Variants in SCAI observed in about 807,000 individuals in gnomAD.
The protein encoded by SCAI is protein SCAI.
Under a neutral mutation model 92.2 loss-of-function variants are expected in SCAI, and 24 were observed. The observed-to-expected ratio is 0.26, with a 90% CI of 0.19 to 0.37. The LOEUF (loss-of-function observed/expected upper bound fraction) is 0.37. SCAI is among the 10% of genes least tolerant of loss of function. SCAI has a pLI of 1.00. For synonymous variants in SCAI, 261 were observed against 258.6 expected (o/e 1.01, Z -0.09); for missense variants, 450 against 736.2 (o/e 0.61, Z 4.50).
At chr9:125,042,674 A>G (rs1366071197) in intron 3 of SCAI, among the ~76,000 whole-genome samples, 1 of 117,608 alleles carries the variant, frequency 8.5e-6, no homozygotes, top group Non-Finnish European at 1.8e-5. Flanking sequence ...CACATATACA[A>G]AAAGAAACAT....
chr9:125,070,186 T>C (rs1833954308), intron 2 of SCAI, among the ~76,000 whole-genome samples: 1 of 152,092 alleles, frequency 6.6e-6, no homozygotes, highest in Non-Finnish European at 1.5e-5. Context: ...AAGTGTTGAA[T>C]ATGTGTGTAT....
At chr9:125,114,376 T>G (rs1834993950) in intron 2 of SCAI, among the ~76,000 whole-genome samples, 1 of 152,036 alleles carries the variant, frequency 6.6e-6, no homozygotes. Flanking sequence ...TTACAGTTAT[T>G]GAAGAATGAA....
rs1425439989 is a variant in SCAI, at chr9:124,952,760, A to G, written c.*47T>C. 1.9e-6 allele frequency: 3 copies of G among 1,547,972 alleles called. No individual in the cohort carries two copies. Among genetic ancestry groups the G allele is most frequent in the Non-Finnish European group, 2.7e-6 (3 of 1,129,326 alleles). ...ATCACGTTAGAAAACTGCACCATTT[A>G]AAATTTGTGGAAAATGAAAACTTGT... On this transcript the variant is annotated 3_prime_UTR_variant, in exon 18 of 18. Coordinates refer to ENST00000336505, the MANE Select transcript of SCAI (RefSeq NM_001144877.3).
At chr9:125,086,690 C>T (rs1287395531) in intron 2 of SCAI, among the ~76,000 whole-genome samples, 1 of 152,132 alleles carries the variant, frequency 6.6e-6, no homozygotes, top group Non-Finnish European at 1.5e-5. Flanking sequence ...CAGAGGCAGA[C>T]AGATATATTT....
chr9:124,974,043 G>GCT (rs1814245011), intron 15 of SCAI: 2 of 241,570 alleles, frequency 8.3e-6, no homozygotes, highest in Admixed American at 1.1e-4. Flanking sequence ...CCATTTGCAG[G>GCT]CATCCTCTTG....
rs1177865840 is a variant in SCAI, at chr9:125,032,195, A to ATATTT, written c.231-2457_231-2456insAAATA. Among the ~76,000 whole-genome samples the ATATTT allele has an allele frequency of 1.6e-3, 155 of 99,434 alleles. 4 individuals carry two copies. The highest frequency in any genetic ancestry group is 5.0e-3 in the African/African-American group (104 of 21,008). The allele number at this position is 99,434 out of a possible 152,430, so 65.2% of individuals were successfully genotyped here. A position where few individuals can be genotyped will look rare whatever the true frequency, so the allele number is the denominator to read the frequency against. ...AATATATATATATATATATATATAT[A>ATATTT]TTTTTTTTTTTTTTTGAGATGGAGT... On this transcript the variant is annotated intron_variant, in intron 3 of 17. Transcript: ENST00000336505.
intron 1 of SCAI, 34 bp from the exon 2 acceptor site, chr9:125,142,711 G>C (rs1282873607): frequency 6.3e-7 from 1 of 1,593,204 alleles, no homozygotes; most frequent in Admixed American, 1.7e-5. Context: ...GTAACTAAAA[G>C]TAACATACAA....
At chr9:125,049,418 C>A (rs1207819688) in intron 3 of SCAI, among the ~76,000 whole-genome samples, 1 of 152,208 alleles carries the variant, frequency 6.6e-6, no homozygotes, top group Non-Finnish European at 1.5e-5. Flanking sequence ...ACCATGGCAA[C>A]CAGAACCCTG....
At chr9:125,031,192 G>C (rs1353701307) in intron 3 of SCAI, among the ~76,000 whole-genome samples, 1 of 151,914 alleles carries the variant, frequency 6.6e-6, no homozygotes, top group Non-Finnish European at 1.5e-5. Flanking sequence ...ATGGCTACAG[G>C]TACATGGAGC....
In SCAI at chr9:124,944,261, T is replaced by C. The variant is rs572358474; in HGVS notation, c.*8546A>G. 1 of 151,780 alleles carries C rather than the reference T, an allele frequency of 6.6e-6. No homozygotes were observed. The highest frequency in any genetic ancestry group is 1.9e-4 in the East Asian group (1 of 5,186). The allele number at this position is 151,780 out of a possible 1,614,324, so 9.4% of individuals were successfully genotyped here. A position where few individuals can be genotyped will look rare whatever the true frequency, so the allele number is the denominator to read the frequency against. On this transcript the variant is annotated 3_prime_UTR_variant, in exon 18 of 18. Transcript: ENST00000336505. ...TCTTTTTAATGATACAGTAACAAGTTAACAAAAACCATTCTTCAGGAAATA... is the reference window on the plus strand; with the variant it reads ...TCTTTTTAATGATACAGTAACAAGTCAACAAAAACCATTCTTCAGGAAATA...
intron 2 of SCAI, among the ~76,000 whole-genome samples, chr9:125,058,633 C>T (rs1833717355): frequency 6.6e-6 from 1 of 152,208 alleles, no homozygotes; most frequent in African/African-American, 2.4e-5. Context: ...CTCTGTAATT[C>T]TATCTACTGA....
At chr9:125,055,083 G>A (rs1833635917) in intron 3 of SCAI, among the ~76,000 whole-genome samples, 2 of 152,008 alleles carry the variant, frequency 1.3e-5, no homozygotes, top group Admixed American at 6.6e-5. Flanking sequence ...GCCAGTATAC[G>A]TCCAAACCTG....
intron 9 of SCAI, among the ~76,000 whole-genome samples, chr9:125,015,189 A>C (rs926129766): frequency 2.0e-5 from 3 of 152,226 alleles, no homozygotes; most frequent in African/African-American, 7.2e-5. Context: ...AATGGGATCT[A>C]ATTAAACTAA....
intron 15 of SCAI, among the ~76,000 whole-genome samples, chr9:124,975,798 G>A (rs1463035609): frequency 6.6e-6 from 1 of 152,072 alleles, no homozygotes; most frequent in African/African-American, 2.4e-5. Context: ...CATGCTATAT[G>A]GATATGACCA....
At chr9:124,954,539 C>T (rs1831284365) in intron 17 of SCAI, among the ~76,000 whole-genome samples, 2 of 152,180 alleles carry the variant, frequency 1.3e-5, no homozygotes, top group Non-Finnish European at 2.9e-5. Flanking sequence ...AAGGTGAGAT[C>T]ACTCTTCAAT....
At chr9:124,964,109 A>G (rs1461070907) in intron 17 of SCAI, among the ~76,000 whole-genome samples, 3 of 152,230 alleles carry the variant, frequency 2.0e-5, no homozygotes, top group Admixed American at 6.5e-5. Context: ...CCATTATCAT[A>G]GAAGCATCCA....
intron 2 of SCAI, among the ~76,000 whole-genome samples, chr9:125,086,885 G>A (rs574553644): frequency 1.3e-4 from 20 of 152,170 alleles, no homozygotes; most frequent in Non-Finnish European, 2.8e-4. Flanking sequence ...CTGTTTCCCA[G>A]GGTTATCATG....
At chr9:125,121,084 G>T (rs150556310) in intron 2 of SCAI, among the ~76,000 whole-genome samples, 2 of 151,848 alleles carry the variant, frequency 1.3e-5, no homozygotes, top group African/African-American at 4.8e-5. Context: ...TTCAATGAAG[G>T]ATAAGAAATT....
At chr9:124,956,078 C>A (rs190745964) in intron 17 of SCAI, among the ~76,000 whole-genome samples, 108 of 152,020 alleles carry the variant, frequency 7.1e-4, no homozygotes, top group Non-Finnish European at 1.4e-3. Context: ...GAAGACATTA[C>A]GAGAAAAATA....
Sources: gnomAD v4.1 joint callset for allele counts (sites outside exome capture counted in the v4.1 genomes callset) on GRCh38, gnomAD v4.1.1 for gene constraint, MANE v1.5 for transcripts, NCBI Gene and HGNC (gene_info 2026-07-23, HGNC 2026-07-21) for gene names.